Variants in ASPH observed in about 807,000 individuals in gnomAD.
ASPH encodes aspartyl/asparaginyl beta-hydroxylase.
ASPH carries 100 observed loss-of-function variants against 118.4 expected under a neutral mutation model. The observed-to-expected ratio is 0.84, with a 90% CI of 0.72 to 1.00. The LOEUF (loss-of-function observed/expected upper bound fraction) is 1.00, where lower values mean the gene tolerates loss of function less well. ASPH is among the 50% of genes least tolerant of loss of function. The pLI is 0.00. For synonymous variants in ASPH, 315 were observed against 325.6 expected, an observed-to-expected ratio of 0.97 and a Z score of 0.35; for missense variants, 920 against 919.5, an observed-to-expected ratio of 1.00 and a Z score of -0.01.
intron 13 of ASPH, among the ~76,000 whole-genome samples, chr8:61,630,447 G>A (rs1473560380): frequency 6.6e-6 from 1 of 152,030 alleles, no homozygotes; most frequent in African/African-American, 2.4e-5. Context: ...TGTAACATGT[G>A]GTAGGACTAA....
chr8:61,560,826 C>G (rs751956792), intron 18 of ASPH, among the ~76,000 whole-genome samples: 8 of 151,822 alleles, frequency 5.3e-5, no homozygotes, highest in Non-Finnish European at 1.0e-4. Context: ...AGGACAAATC[C>G]ACAGTGTATT....
intron 16 of ASPH, among the ~76,000 whole-genome samples, chr8:61,572,441 A>T (rs1347413299): frequency 1.3e-5 from 2 of 152,178 alleles, no homozygotes; most frequent in African/African-American, 4.8e-5. Flanking sequence ...CATAGGCATC[A>T]CACACTTAAT....
chr8:61,649,658 C>G (rs889312570), intron 5 of ASPH, among the ~76,000 whole-genome samples: 2 of 151,990 alleles, frequency 1.3e-5, no homozygotes, highest in African/African-American at 4.8e-5. Flanking sequence ...CTGCCCACCC[C>G]CCACCACCTA....
intron 1 of ASPH, among the ~76,000 whole-genome samples, chr8:61,700,889 T>C (rs1187046724): frequency 1.3e-5 from 2 of 152,250 alleles, no homozygotes; most frequent in African/African-American, 2.4e-5. Flanking sequence ...ATGAGTATCA[T>C]AAACTATAGT....
intron 13 of ASPH, chr8:61,628,323 CTTTTTTTTT>C (rs398008041): frequency 6.2e-4 from 121 of 196,470 alleles, no homozygotes; most frequent in East Asian, 1.4e-3. Flanking sequence ...CCAAGCCCGG[CTTTTTTTTT>C]TTTTTTTTTT....
intron 22 of ASPH, among the ~76,000 whole-genome samples, chr8:61,523,071 C>T (rs1490483513): frequency 6.6e-6 from 1 of 152,158 alleles, no homozygotes; most frequent in Non-Finnish European, 1.5e-5. Context: ...GCATGATTTG[C>T]TAACTAGACA....
intron 13 of ASPH, among the ~76,000 whole-genome samples, chr8:61,629,289 T>C (rs1260908287): frequency 2.0e-5 from 3 of 152,230 alleles, no homozygotes; most frequent in African/African-American, 4.8e-5. Context: ...AAATAGTTAA[T>C]AGACTCAGTC....
In ASPH at chr8:61,517,510, A is replaced by T; in HGVS notation, c.2126+18T>A. On this transcript the variant is annotated intron_variant, in intron 24 of 24. Transcript: ENST00000379454. ...TCCTCTGAGGTGACGGATATGACGG[A>T]TAACAGAGGACCCATACTTGGTCTC... 1 of 1,612,148 alleles carries T rather than the reference A, an allele frequency of 6.2e-7. No individual in the cohort carries two copies. Among genetic ancestry groups the T allele is most frequent in the Non-Finnish European group, 8.5e-7 (1 of 1,178,396 alleles).
chr8:61,711,506 T>C (rs1162238966), intron 1 of ASPH, among the ~76,000 whole-genome samples: 2 of 152,106 alleles, frequency 1.3e-5, no homozygotes, highest in African/African-American at 4.8e-5. Context: ...TTGAACTCTG[T>C]AGAAAACCAT....
chr8:61,655,484 C>T (rs187330182), intron 3 of ASPH, among the ~76,000 whole-genome samples: 1 of 152,282 alleles, frequency 6.6e-6, no homozygotes, highest in African/African-American at 2.4e-5. Context: ...CTTTAGCAGG[C>T]TCTCAAACTG....
intron 1 of ASPH, among the ~76,000 whole-genome samples, chr8:61,690,186 A>G (rs558747665): frequency 1.3e-5 from 2 of 152,242 alleles, no homozygotes; most frequent in Non-Finnish European, 2.9e-5. Flanking sequence ...TCAGAATCTA[A>G]TAAAATGGCT....
At chr8:61,700,581 C>CA in intron 1 of ASPH, among the ~76,000 whole-genome samples, 1 of 152,130 alleles carries the variant, frequency 6.6e-6, no homozygotes, top group Non-Finnish European at 1.5e-5. Context: ...AAAATGGCTA[C>CA]AAAATGTGCT....
intron 24 of ASPH, among the ~76,000 whole-genome samples, chr8:61,514,193 G>C (rs1809990333): frequency 6.6e-6 from 1 of 152,000 alleles, no homozygotes; most frequent in African/African-American, 2.4e-5. Context: ...CCATCCACCT[G>C]CTCCCATTCT....
chr8:61,605,839 T>C (rs937387799), intron 14 of ASPH, among the ~76,000 whole-genome samples: 2 of 152,228 alleles, frequency 1.3e-5, no homozygotes, highest in Non-Finnish European at 2.9e-5. Context: ...GTGTGTTTGA[T>C]ACTATTAATC....
intron 2 of ASPH, chr8:61,682,432 A>G (rs1390777979): frequency 5.0e-6 from 8 of 1,612,188 alleles, no homozygotes; most frequent in African/African-American, 1.3e-5. Flanking sequence ...CAACTCCAAT[A>G]GCCTACCTTG....
intron 13 of ASPH, among the ~76,000 whole-genome samples, chr8:61,619,345 G>A (rs72659016): frequency 6.6e-6 from 1 of 152,252 alleles, no homozygotes; most frequent in Non-Finnish European, 1.5e-5. Context: ...AAAGACATGT[G>A]GATGGGGAGA....
intron 17 of ASPH, among the ~76,000 whole-genome samples, chr8:61,564,265 T>C (rs1830890960): frequency 6.6e-6 from 1 of 151,662 alleles, no homozygotes; most frequent in Non-Finnish European, 1.5e-5. Flanking sequence ...TAGTGGAGAC[T>C]GAGGCAAGAG....
At chr8:61,678,815 T>C (rs1371753866) in intron 3 of ASPH, among the ~76,000 whole-genome samples, 2 of 152,134 alleles carry the variant, frequency 1.3e-5, no homozygotes, top group Non-Finnish European at 2.9e-5. Flanking sequence ...GTTTAAACTT[T>C]ACCATTAAGC....
chr8:61,550,438 T>TACAACACACACAC (rs1208727854), intron 20 of ASPH, among the ~76,000 whole-genome samples: 7 of 71,530 alleles, frequency 9.8e-5, no homozygotes, highest in African/African-American at 3.3e-4. Flanking sequence ...TATGCACATG[T>TACAACACACACAC]ACATACACAC....
Sources: allele counts gnomAD v4.1 joint callset (sites outside exome capture counted in the v4.1 genomes callset), GRCh38; gene constraint gnomAD v4.1.1; transcripts MANE v1.5; gene names NCBI Gene and HGNC (gene_info 2026-07-23, HGNC 2026-07-21).